Variants in PPL observed in about 807,000 individuals in gnomAD.
PPL encodes 190 kDa paraneoplastic pemphigus antigen.
PPL carries 198 observed loss-of-function variants against 194.4 expected under a neutral mutation model. The observed-to-expected ratio is 1.02, with a 90% CI of 0.91 to 1.15. PPL has a LOEUF of 1.15. Ranked by LOEUF, PPL falls within the 50% of genes most tolerant of loss-of-function variation. PPL has a pLI of 0.00. For synonymous variants in PPL, 1,220 were observed against 972.4 expected, an observed-to-expected ratio of 1.25 and a Z score of -4.74; for missense variants, 2,885 against 2,294.8, an observed-to-expected ratio of 1.26 and a Z score of -5.25.
Position 4,883,492 on chromosome 16 carries a change from G to A in PPL, c.5163C>T (p.Ile1721=), listed in dbSNP as rs762297635. Residue 1721 remains isoleucine, a synonymous_variant, in exon 22 of 22, where the codon ATC becomes ATT. Transcript: ENST00000345988. This position sits in a 1 kb window ranked among gnomAD's most constrained non-coding sequence, Gnocchi z 4.8. ...HDRKSGKKFS[I]EEALQSGRLT... Reference sequence around the variant, plus strand: ...GCCTGCCACTCTGCAGGGCCTCTTCGATGGAGAACTTCTTGCCAGACTTCC... The same window carrying A: ...GCCTGCCACTCTGCAGGGCCTCTTCAATGGAGAACTTCTTGCCAGACTTCC... 85 of 1,614,074 alleles carry A rather than the reference G, an allele frequency of 5.3e-5. No individual in the cohort carries two copies. Among genetic ancestry groups the A allele is most frequent in the Non-Finnish European group, 6.7e-5 (79 of 1,180,046 alleles).
Position 4,884,450 on chromosome 16 carries a change from T to A in PPL, c.4205A>T (p.Gln1402Leu), listed in dbSNP as rs2088172624. Residue 1402 changes from glutamine to leucine, a missense_variant, in exon 22 of 22, where the codon CAG becomes CTG. Transcript: ENST00000345988. This position sits in a 1 kb window ranked among gnomAD's most constrained non-coding sequence, Gnocchi z 5.7. ...LQRRRTELER[Q>L]LEELERERQA... ...CCGCTCGCGCTCTAGCTCCTCCAGC[T>A]GCCGCTCAAGCTCGGTGCGCCGGCG... 1 of 1,601,976 alleles carries A rather than the reference T, an allele frequency of 6.2e-7. No individual in the cohort carries two copies. The highest frequency in any genetic ancestry group is 1.3e-5 in the African/African-American group (1 of 74,318).
rs572603043 is a variant in PPL, at chr16:4,908,218, A to G, written c.162+2632T>C. 3.3e-5 allele frequency among the ~76,000 whole-genome samples: 5 copies of G among 151,082 alleles called. No individual in the cohort carries two copies. In the South Asian group the frequency reaches 1.1e-3, roughly 32 times the overall value. ...AGAAAAAATTGTTCAGGCCAAGCAC[A>G]CAGTGGCTCATGCCTGTAAATCCCA... is the stretch of plus-strand genomic sequence containing the variant. On this transcript the variant is annotated intron_variant, in intron 2 of 21. Coordinates refer to ENST00000345988, the MANE Select transcript of PPL (RefSeq NM_002705.5).
At chr16:4,922,576 C>T (rs1200437319) in intron 1 of PPL, among the ~76,000 whole-genome samples, 9 of 152,148 alleles carry the variant, frequency 5.9e-5, no homozygotes, top group Non-Finnish European at 1.3e-4. Context: ...ACAGGAGAAT[C>T]GCTTGAGCCT....
chr16:4,903,661 G>A (rs889727798), intron 3 of PPL, among the ~76,000 whole-genome samples: 4 of 151,650 alleles, frequency 2.6e-5, no homozygotes, highest in South Asian at 2.1e-4. Context: ...CAGAGATTGC[G>A]CTGAGCCAAG....
chr16:4,891,028 G>A, intron 16 of PPL, 107 bp from the exon 17 acceptor site: 2 of 977,888 alleles, frequency 2.0e-6, no homozygotes, highest in Non-Finnish European at 2.9e-6. Flanking sequence ...GGGTGGGCAA[G>A]GCCACAGGTA....
At chr16:4,897,959 A>G (rs2088466970) in intron 8 of PPL, among the ~76,000 whole-genome samples, 189 bp from the exon 9 acceptor site, 1 of 152,148 alleles carries the variant, frequency 6.6e-6, no homozygotes, top group African/African-American at 2.4e-5. Context: ...CACGTCAAGG[A>G]GCCAAACAGG....
rs899849036 is a variant in PPL at position 4,905,817 on chromosome 16, G to A, written c.163-1777C>T. ...GATGAGGCTGATGTCCCGAAAAGCC[G>A]CTGGAGGCCAGGCACAGTGGCTCAT... On this transcript the variant is annotated intron_variant, in intron 2 of 21. Transcript: ENST00000345988. Among the ~76,000 whole-genome samples the A allele has an allele frequency of 9.8e-5, 15 of 152,302 alleles. 1 individual carries two copies. The South Asian group carries it at 2.1e-3, about 21-fold the overall frequency.
At chr16:4,912,286 T>C (rs2088834211) in intron 1 of PPL, among the ~76,000 whole-genome samples, 1 of 152,256 alleles carries the variant, frequency 6.6e-6, no homozygotes. Flanking sequence ...GGACATTTCA[T>C]ATAAATAGAA....
At chr16:4,920,844 G>T (rs1018752209) in intron 1 of PPL, among the ~76,000 whole-genome samples, 1 of 152,110 alleles carries the variant, frequency 6.6e-6, no homozygotes, top group Non-Finnish European at 1.5e-5. Flanking sequence ...CTCAAGGGAT[G>T]CTCCTGACTT....
intron 1 of PPL, among the ~76,000 whole-genome samples, chr16:4,923,744 T>C (rs2089100448): frequency 1.3e-5 from 2 of 152,208 alleles, no homozygotes; most frequent in African/African-American, 2.4e-5. Context: ...GGGATAGGAA[T>C]TGATCCCACT....
intron 1 of PPL, among the ~76,000 whole-genome samples, chr16:4,933,153 C>T (rs1425724696): frequency 1.3e-5 from 2 of 152,130 alleles, no homozygotes; most frequent in East Asian, 3.9e-4. Context: ...AGGCACCCAC[C>T]CCCATGCCCA....
At chr16:4,925,015 C>A (rs1379253478) in intron 1 of PPL, among the ~76,000 whole-genome samples, 1 of 152,242 alleles carries the variant, frequency 6.6e-6, no homozygotes, top group Non-Finnish European at 1.5e-5. Context: ...GCACTCCCTG[C>A]CTGGCCAGGG....
intron 1 of PPL, among the ~76,000 whole-genome samples, chr16:4,917,410 G>A (rs929271752): frequency 2.0e-5 from 3 of 152,126 alleles, no homozygotes; most frequent in Non-Finnish European, 4.4e-5. Context: ...AGACACAAAA[G>A]CTCACATATT....
In PPL at chr16:4,898,936, G is replaced by A. The variant is rs377725657; in HGVS notation, c.876+77C>T. ...GGACCCCCAGCTCCGGGGTCTGCCC[G>A]AGCTCCAGGCGGCCCACAGGCAGCG... is the stretch of plus-strand genomic sequence containing the variant. On this transcript the variant is annotated intron_variant, in intron 8 of 21. Coordinates refer to ENST00000345988, the MANE Select transcript of PPL (RefSeq NM_002705.5). 1.2e-5 allele frequency: 15 copies of A among 1,237,014 alleles called. No individual in the cohort carries two copies. In the African/African-American group the frequency reaches 1.9e-4, roughly 16 times the overall value. 76.6% of individuals were successfully genotyped at this position (1,237,014 alleles called of 1,614,324 possible).
Position 4,883,461 on chromosome 16 carries a change from G to C in PPL, c.5194C>G (p.Pro1732Ala). Residue 1732 changes from proline to alanine, a missense_variant, in exon 22 of 22, where the codon CCT (proline) becomes GCT (alanine). Transcript: ENST00000345988. This position sits in a 1 kb window ranked among gnomAD's most constrained non-coding sequence, Gnocchi z 4.8. ...TTGACATAGCGGTCATACTGAGCAG[G>C]GGTCAGCCTGCCACTCTGCAGGGCC... Reference protein sequence around the residue: ...EEALQSGRLTPAQYDRYVNKD... With the variant: ...EEALQSGRLTAAQYDRYVNKD... 6.2e-7 allele frequency: 1 copy of C among 1,614,156 alleles called. No individual in the cohort carries two copies. Among genetic ancestry groups the C allele is most frequent in the African/African-American group, 1.3e-5 (1 of 75,036 alleles).
intron 2 of PPL, among the ~76,000 whole-genome samples, chr16:4,907,415 T>G (rs998026542): frequency 6.6e-6 from 1 of 151,532 alleles, no homozygotes; most frequent in Admixed American, 6.6e-5. Context: ...GGTGGTGGGA[T>G]ATGGGTGTTC....
chr16:4,913,342 T>C (rs908391990), intron 1 of PPL, among the ~76,000 whole-genome samples: 1 of 152,138 alleles, frequency 6.6e-6, no homozygotes, highest in African/African-American at 2.4e-5. Flanking sequence ...TTGGCCCAGC[T>C]CCCTTGCCTA....
intron 9 of PPL, among the ~76,000 whole-genome samples, chr16:4,897,332 CAAAAAAAAAAAAA>C (rs57191109): frequency 1.9e-5 from 1 of 53,428 alleles, no homozygotes; most frequent in African/African-American, 6.9e-5. Flanking sequence ...AAGACTCTCT[CAAAAAAAAAAAAA>C]AAAAAAAAAA....
chr16:4,933,574 A>G (rs928556923), intron 1 of PPL, among the ~76,000 whole-genome samples: 1 of 151,796 alleles, frequency 6.6e-6, no homozygotes, highest in Admixed American at 6.6e-5. Context: ...GACTGTGACA[A>G]CTCTCACTTG....
Sources: gnomAD v4.1 joint callset for allele counts (sites outside exome capture counted in the v4.1 genomes callset) on GRCh38, gnomAD v4.1.1 for gene constraint, Gnocchi (gnomAD v3.1) non-coding constraint, MANE v1.5 for transcripts, NCBI Gene and HGNC (gene_info 2026-07-23, HGNC 2026-07-21) for gene names.